CNTNAP5: variants seen among roughly 807,000 people sequenced by gnomAD.
CNTNAP5 encodes contactin associated protein family member 5.
A neutral mutation model predicts 150.2 loss-of-function variants in CNTNAP5; 72 were observed. The observed-to-expected ratio is 0.48, with a 90% CI of 0.40 to 0.58. CNTNAP5 has a LOEUF of 0.58. CNTNAP5 is among the 20% of genes least tolerant of loss of function. CNTNAP5 has a pLI of 0.00. For synonymous variants in CNTNAP5, 672 were observed against 619.8 expected (o/e 1.08, Z -1.25); for missense variants, 1,636 against 1,626.2 (o/e 1.01, Z -0.10).
At chr2:124,792,807 T>G (rs1361693987) in intron 18 of CNTNAP5, among the ~76,000 whole-genome samples, 12 of 152,332 alleles carry the variant, frequency 7.9e-5, no homozygotes, top group Non-Finnish European at 4.4e-5. Context: ...CTGATTTCTT[T>G]TACTTCGCAT....
At chr2:124,037,817 GAGTA>G (rs1334975171) in intron 1 of CNTNAP5, among the ~76,000 whole-genome samples, 2 of 152,138 alleles carry the variant, frequency 1.3e-5, no homozygotes, top group Non-Finnish European at 2.9e-5. Context: ...GAATTGCTGA[GAGTA>G]AGATTTAAAT....
At chr2:124,154,714 TCCATAAATAC>T (rs1489598561) in intron 1 of CNTNAP5, among the ~76,000 whole-genome samples, 1 of 152,128 alleles carries the variant, frequency 6.6e-6, no homozygotes, top group Non-Finnish European at 1.5e-5. Context: ...CAGTGTTTGC[TCCATAAATAC>T]CCATCAAATA....
intron 1 of CNTNAP5, among the ~76,000 whole-genome samples, chr2:124,140,103 CGA>C (rs1194144380): frequency 6.6e-6 from 1 of 151,778 alleles, no homozygotes; most frequent in East Asian, 2.0e-4. Context: ...CGGCGCACCA[CGA>C]GACTATATCC....
intron 21 of CNTNAP5, among the ~76,000 whole-genome samples, chr2:124,899,868 C>G (rs557515857): frequency 1.3e-5 from 2 of 151,514 alleles, no homozygotes; most frequent in Middle Eastern, 3.4e-3. Context: ...ATACAGAGTT[C>G]AGTGAATTCT....
At chr2:124,674,513 T>TTCTC (rs1184058967) in intron 13 of CNTNAP5, among the ~76,000 whole-genome samples, 1 of 103,934 alleles carries the variant, frequency 9.6e-6, no homozygotes, top group South Asian at 3.5e-4. Flanking sequence ...TTCTTTCTCT[T>TTCTC]TCTTTCTTTC....
intron 3 of CNTNAP5, among the ~76,000 whole-genome samples, chr2:124,412,699 C>A (rs1416755104): frequency 8.4e-6 from 1 of 118,578 alleles, no homozygotes; most frequent in Non-Finnish European, 1.7e-5. Context: ...GAAACTGGAT[C>A]CCTTCCTTAC....
At chr2:124,231,152 G>C (rs1033182320) in intron 2 of CNTNAP5, among the ~76,000 whole-genome samples, 83 of 152,144 alleles carry the variant, frequency 5.5e-4, no homozygotes, top group Admixed American at 5.4e-3. Flanking sequence ...ATTGAAATTT[G>C]AGATGCAGCA....
chr2:124,206,404 G>A (rs1049217356), intron 1 of CNTNAP5, among the ~76,000 whole-genome samples: 1 of 152,218 alleles, frequency 6.6e-6, no homozygotes, highest in South Asian at 2.1e-4. Context: ...ATTTTGTGAT[G>A]CAAAGGGAAA....
chr2:124,288,199 A>G (rs1688201617), intron 3 of CNTNAP5, among the ~76,000 whole-genome samples: 1 of 152,202 alleles, frequency 6.6e-6, no homozygotes, highest in Admixed American at 6.5e-5. Context: ...CAAAATGCTG[A>G]GATTACAGAC....
In CNTNAP5 at chr2:124,474,893, C is replaced by G. The variant is rs761458026; in HGVS notation, c.1062+11C>G. 2.5e-5 allele frequency: 39 copies of G among 1,589,808 alleles called. No homozygotes were observed. Among genetic ancestry groups the G allele is most frequent in the Non-Finnish European group, 3.2e-5 (37 of 1,172,464 alleles). On this transcript the variant is annotated intron_variant, in intron 7 of 23. Transcript: ENST00000682447. ...CAGATCTATACTGTGGTAAGTCAGC[C>G]CATCTGTTTTGTCTTGATGGTTTCT...
intron 17 of CNTNAP5, among the ~76,000 whole-genome samples, chr2:124,778,913 G>A (rs1681386761): frequency 6.6e-6 from 1 of 152,166 alleles, no homozygotes; most frequent in Non-Finnish European, 1.5e-5. Flanking sequence ...GCTTCAGTAG[G>A]GAAGGTGATT....
chr2:124,520,748 C>T (rs1021101090), intron 8 of CNTNAP5, among the ~76,000 whole-genome samples: 1 of 152,138 alleles, frequency 6.6e-6, no homozygotes, highest in Non-Finnish European at 1.5e-5. Context: ...AAGACATTCT[C>T]GGCCTAAAAG....
intron 6 of CNTNAP5, among the ~76,000 whole-genome samples, chr2:124,455,182 A>T (rs1471854015): frequency 6.6e-6 from 1 of 152,136 alleles, no homozygotes; most frequent in Non-Finnish European, 1.5e-5. Flanking sequence ...AAGAGAAAAA[A>T]TCCAAATAAG....
intron 3 of CNTNAP5, among the ~76,000 whole-genome samples, chr2:124,394,941 A>G (rs751962916): frequency 3.9e-5 from 6 of 152,192 alleles, no homozygotes; most frequent in Non-Finnish European, 8.8e-5. Flanking sequence ...ATATATATTT[A>G]TAACTCAGTA....
intron 12 of CNTNAP5, among the ~76,000 whole-genome samples, chr2:124,616,766 G>A (rs766927096): frequency 5.3e-5 from 8 of 152,054 alleles, no homozygotes; most frequent in African/African-American, 1.2e-4. Context: ...TTATTGTGGG[G>A]TTACTATTTG....
Position 124,833,306 on chromosome 2 carries a change from C to A in CNTNAP5, c.3218-32000C>A, listed in dbSNP as rs114493809. ...CTAGCTGAATAAAACTCAGCATTGG[C>A]AACAAAGTATGAGATCTGAGACTCA... is the stretch of plus-strand genomic sequence containing the variant. On this transcript the variant is annotated intron_variant, in intron 19 of 23. Coordinates refer to ENST00000682447, the MANE Select transcript of CNTNAP5 (RefSeq NM_001367498.1). Among the ~76,000 whole-genome samples the A allele has an allele frequency of 6.0e-3, 906 of 152,138 alleles. 10 individuals carry two copies. The highest frequency in any genetic ancestry group is 0.021 in the African/African-American group (876 of 41,528).
chr2:124,714,528 T>C (rs1679906333), intron 13 of CNTNAP5, among the ~76,000 whole-genome samples: 5 of 152,104 alleles, frequency 3.3e-5, no homozygotes. Flanking sequence ...AGGCATTACC[T>C]TCAAGTTGTT....
intron 1 of CNTNAP5, among the ~76,000 whole-genome samples, chr2:124,122,644 A>C (rs532033416): frequency 1.3e-5 from 2 of 152,274 alleles, no homozygotes; most frequent in Non-Finnish European, 2.9e-5. Context: ...GGCACAAGTC[A>C]CAGAGCTTCG....
rs187909790 is a variant in CNTNAP5, at chr2:124,820,207, G to A, written c.3217+21887G>A. 1.2e-3 allele frequency among the ~76,000 whole-genome samples: 184 copies of A among 152,250 alleles called. 1 individual carries two copies. The highest frequency in any genetic ancestry group is 3.4e-3 in the Middle Eastern group (1 of 294). On this transcript the variant is annotated intron_variant, in intron 19 of 23. Coordinates refer to ENST00000682447, the MANE Select transcript of CNTNAP5 (RefSeq NM_001367498.1). ...TGTTTTTTTGTTTGCCGGGAAGGTAGATGTGATGTCAAACATTTGAGGCAT... is the reference window on the plus strand; with the variant it reads ...TGTTTTTTTGTTTGCCGGGAAGGTAAATGTGATGTCAAACATTTGAGGCAT...
Sources: gnomAD v4.1 joint callset for allele counts (sites outside exome capture counted in the v4.1 genomes callset) on GRCh38, gnomAD v4.1.1 for gene constraint, MANE v1.5 for transcripts, NCBI Gene and HGNC (gene_info 2026-07-23, HGNC 2026-07-21) for gene names.